Variants in OSBPL9 observed in about 807,000 individuals in gnomAD.
The protein encoded by OSBPL9 is oxysterol-binding protein-related protein 9.
OSBPL9 carries 40 observed loss-of-function variants against 106.6 expected under a neutral mutation model. The ratio of observed to expected loss-of-function variants is 0.38; its 90% CI spans 0.29 to 0.49. OSBPL9 has a LOEUF of 0.49. Among genes scored for constraint, OSBPL9 ranks in the 20% least tolerant of loss-of-function variants. The pLI, the probability that OSBPL9 is intolerant of heterozygous loss-of-function variation, is 0.97. For synonymous variants in OSBPL9, 269 were observed against 295.4 expected, an observed-to-expected ratio of 0.91 and a Z score of 0.92; for missense variants, 609 against 887.2, an observed-to-expected ratio of 0.69 and a Z score of 3.98.
At chr1:51,535,018 A>G in the OSBPL9 span, among the ~76,000 whole-genome samples, 41 of 152,340 alleles carry the variant, frequency 2.7e-4, no homozygotes, top group African/African-American at 8.4e-4. Context: ...ACCCCCTGTT[A>G]TAACTTATCT....
chr1:51,708,347 T>G (rs1659061903), intron 3 of OSBPL9, among the ~76,000 whole-genome samples: 1 of 151,984 alleles, frequency 6.6e-6, no homozygotes, highest in South Asian at 2.1e-4. Flanking sequence ...TGATATTTGT[T>G]GAGACTTGTT....
intron 1 of OSBPL9, chr1:51,582,904 A>T (rs536862690): frequency 6.6e-6 from 1 of 152,062 alleles, no homozygotes; most frequent in Non-Finnish European, 1.5e-5. Flanking sequence ...CCCAGGCAAC[A>T]TGGTGAAATT....
At chr1:51,551,967 A>ATGTGTG in the OSBPL9 span, among the ~76,000 whole-genome samples, 6,472 of 145,146 alleles carry the variant, frequency 0.045, 165 homozygotes, top group Middle Eastern at 0.093. Context: ...GTGAATAGAA[A>ATGTGTG]TGTGTGTGTG....
chr1:51,530,182 A>AAAC, the OSBPL9 span, among the ~76,000 whole-genome samples: 4 of 116,784 alleles, frequency 3.4e-5, no homozygotes, highest in Non-Finnish European at 5.0e-5. Context: ...AAAAAAAAAA[A>AAAC]AAAAAAAAAA....
chr1:51,780,463 C>G (rs1676105000), intron 15 of OSBPL9, among the ~76,000 whole-genome samples: 2 of 152,160 alleles, frequency 1.3e-5, no homozygotes, highest in Admixed American at 6.5e-5. Flanking sequence ...ATGGAACTAG[C>G]CCAAATGCCC....
intron 1 of OSBPL9, among the ~76,000 whole-genome samples, chr1:51,620,937 G>A (rs993525992): frequency 1.3e-5 from 2 of 152,142 alleles, no homozygotes; most frequent in African/African-American, 4.8e-5. Flanking sequence ...CCATGTTGCT[G>A]AGGCTGGCCT....
At chr1:51,722,764 G>A (rs1662384161) in intron 4 of OSBPL9, among the ~76,000 whole-genome samples, 1 of 152,236 alleles carries the variant, frequency 6.6e-6, no homozygotes, top group South Asian at 2.1e-4. Context: ...CCGTATACAT[G>A]CTTGGTGGTG....
intron 3 of OSBPL9, among the ~76,000 whole-genome samples, chr1:51,713,584 C>G (rs918120910): frequency 2.6e-5 from 4 of 152,214 alleles, no homozygotes; most frequent in African/African-American, 9.6e-5. Flanking sequence ...CAATTCCTCT[C>G]CTGGAATTTG....
intron 12 of OSBPL9, among the ~76,000 whole-genome samples, chr1:51,771,624 AATAAG>A (rs1673923777): frequency 6.6e-6 from 1 of 152,320 alleles, no homozygotes; most frequent in African/African-American, 2.4e-5. Context: ...TACTTGCATA[AATAAG>A]ATGTTTTTTT....
In OSBPL9 at chr1:51,786,625, G is replaced by A. The variant is rs773221158; in HGVS notation, c.2000+8G>A. On this transcript the variant is annotated splice_region_variant and intron_variant, in intron 22 of 23. Transcript: ENST00000428468. ...CGAGTATGAATCCCGCAGGTAAGCCGACATTGTTAAGTGGAACTATTGCTG... is the reference window on the plus strand; with the variant it reads ...CGAGTATGAATCCCGCAGGTAAGCCAACATTGTTAAGTGGAACTATTGCTG... The A allele has an allele frequency of 6.2e-6, 10 of 1,605,104 alleles. No homozygotes were observed. Among genetic ancestry groups the A allele is most frequent in the Admixed American group, 3.3e-5 (2 of 59,934 alleles).
intron 3 of OSBPL9, among the ~76,000 whole-genome samples, chr1:51,676,032 A>G (rs1199529159): frequency 1.3e-5 from 2 of 152,334 alleles, no homozygotes; most frequent in East Asian, 3.9e-4. Context: ...CCACAGACAC[A>G]TAGCTAATAT....
intron 1 of OSBPL9, among the ~76,000 whole-genome samples, chr1:51,641,794 G>A (rs956575326): frequency 6.6e-6 from 1 of 152,080 alleles, no homozygotes; most frequent in Non-Finnish European, 1.5e-5. Flanking sequence ...GGTCAATGCC[G>A]AGATAAATAT....
chr1:51,724,689 T>C (rs532797571), intron 4 of OSBPL9: 118 of 153,126 alleles, frequency 7.7e-4, no homozygotes, highest in Non-Finnish European at 1.2e-3. Flanking sequence ...TCTCTCAGGA[T>C]TTTTTTCTTT....
intron 1 of OSBPL9, among the ~76,000 whole-genome samples, chr1:51,627,332 G>T (rs1209121882): frequency 6.6e-6 from 1 of 152,020 alleles, no homozygotes; most frequent in Non-Finnish European, 1.5e-5. Context: ...ATGAGGTAAG[G>T]GTCCACCTTT....
the OSBPL9 span, among the ~76,000 whole-genome samples, chr1:51,550,626 C>T: frequency 1.3e-5 from 2 of 152,304 alleles, no homozygotes; most frequent in African/African-American, 4.8e-5. Flanking sequence ...AATGCTCCTG[C>T]CTCAGCCTCC....
intron 12 of OSBPL9, among the ~76,000 whole-genome samples, chr1:51,766,780 G>A (rs780666022): frequency 5.9e-5 from 9 of 151,996 alleles, no homozygotes; most frequent in Admixed American, 1.3e-4. Context: ...ATTTAAAAAC[G>A]TTTAGGGAGG....
chr1:51,752,235 C>G (rs988087268), intron 8 of OSBPL9, among the ~76,000 whole-genome samples: 1 of 151,418 alleles, frequency 6.6e-6, no homozygotes, highest in African/African-American at 2.4e-5. Context: ...CAAGCTTCCC[C>G]CCTCCACCCC....
chr1:51,524,504 G>A, the OSBPL9 span, among the ~76,000 whole-genome samples: 2 of 152,164 alleles, frequency 1.3e-5, no homozygotes, highest in Non-Finnish European at 2.9e-5. Context: ...AGGTTTATGT[G>A]AAAACCTGGG....
intron 2 of OSBPL9, among the ~76,000 whole-genome samples, chr1:51,611,976 A>G (rs1027113637): frequency 4.6e-5 from 7 of 152,196 alleles, no homozygotes; most frequent in African/African-American, 1.4e-4. Context: ...CTCTGTCTCT[A>G]AATAAATAAA....
Sources: gnomAD v4.1 joint callset for allele counts (sites outside exome capture counted in the v4.1 genomes callset) on GRCh38, gnomAD v4.1.1 for gene constraint, MANE v1.5 for transcripts, NCBI Gene and HGNC (gene_info 2026-07-23, HGNC 2026-07-21) for gene names.